POLH: variants seen among roughly 807,000 people sequenced by gnomAD.
POLH encodes the protein DNA polymerase eta transcript.
A neutral mutation model predicts 73.6 loss-of-function variants in POLH; 53 were observed. That is an observed-to-expected ratio of 0.72 (90% confidence interval 0.58 to 0.91). POLH has a LOEUF of 0.91. Ranked by LOEUF, POLH falls within the 40% of genes least tolerant of loss-of-function variation. POLH has a pLI of 0.00. For missense variants in POLH, 768 were observed against 865.4 expected (o/e 0.89, Z 1.41); for synonymous variants, 292 against 308.5 (o/e 0.95, Z 0.56).
At chr6:43,596,801 T>G (rs1490434149) in intron 4 of POLH, among the ~76,000 whole-genome samples, 1 of 152,148 alleles carries the variant, frequency 6.6e-6, no homozygotes. Flanking sequence ...GGGATTAGAG[T>G]GTACATTTGG....
intron 4 of POLH, among the ~76,000 whole-genome samples, chr6:43,593,412 C>T (rs1302319777): frequency 6.6e-6 from 1 of 152,164 alleles, no homozygotes; most frequent in Admixed American, 6.6e-5. Flanking sequence ...GGAAGACATA[C>T]TACCTGATTT....
chr6:43,577,156 C>T (rs1763449931), intron 1 of POLH, among the ~76,000 whole-genome samples: 1 of 152,154 alleles, frequency 6.6e-6, no homozygotes, highest in Admixed American at 6.5e-5. Flanking sequence ...CCAGCCTGGG[C>T]GACAGAGCGA....
chr6:43,582,600 A>G, intron 2 of POLH, 144 bp downstream of exon 2: 1 of 849,604 alleles, frequency 1.2e-6, no homozygotes, highest in Non-Finnish European at 2.0e-6. Context: ...CCATCAGCTC[A>G]CAGCAGCTTT....
At chr6:43,578,492 C>A in intron 1 of POLH, 1 of 397,320 alleles carries the variant, frequency 2.5e-6, no homozygotes, top group South Asian at 1.9e-5. Context: ...TTTAAAGCAG[C>A]CTGGCGGGGG....
chr6:43,584,098 A>G (rs971644918), intron 3 of POLH, among the ~76,000 whole-genome samples: 4 of 152,210 alleles, frequency 2.6e-5, no homozygotes, highest in African/African-American at 9.6e-5. Flanking sequence ...GGCCCAGATC[A>G]CACCACTGCA....
rs777311808 is a variant in POLH at position 43,583,086 on chromosome 6, C to A, written c.217C>A (p.Pro73Thr). 6.2e-7 allele frequency: 1 copy of A among 1,613,310 alleles called. No homozygotes were observed. Among genetic ancestry groups the A allele is most frequent in the South Asian group, 1.1e-5 (1 of 91,062 alleles). ...MWADDAKKLCPDLLLAQVRES... is the reference protein window; with the variant it reads ...MWADDAKKLCTDLLLAQVRES... ...GGCAGATGATGCTAAGAAGTTATGT[C>A]CAGATCTTCTACTGGCACAAGTTCG... is the stretch of plus-strand genomic sequence containing the variant. The change falls in exon 3 of 11, where the codon CCA (proline) becomes ACA (threonine). Residue 73 changes from proline to threonine, a missense_variant. Transcript: ENST00000372236.
chr6:43,582,901 G>A, intron 2 of POLH, 106 bp from the exon 3 acceptor site: 1 of 972,080 alleles, frequency 1.0e-6, no homozygotes, highest in Non-Finnish European at 1.6e-6. Flanking sequence ...GGCATCTGTG[G>A]TCAAAAAGTT....
Position 43,618,559 on chromosome 6 carries a change from TG to T in POLH, c.*4003del, listed in dbSNP as rs2127827768. 6.6e-6 allele frequency among the ~76,000 whole-genome samples: 1 copy of T among 152,292 alleles called. No individual in the cohort carries two copies. Among genetic ancestry groups the T allele is most frequent in the Admixed American group, 6.5e-5 (1 of 15,292 alleles). On this transcript the variant is annotated 3_prime_UTR_variant, in exon 11 of 11. Coordinates refer to ENST00000372236, the MANE Select transcript of POLH (RefSeq NM_006502.3). Reference sequence around the variant, plus strand: ...ACACAGGGAACCCAACTGAAGAAAATGAACTGAAGTAGGTGGCGCTGGGTGA... The same window carrying T: ...ACACAGGGAACCCAACTGAAGAAAATAACTGAAGTAGGTGGCGCTGGGTGA...
At chr6:43,600,252 T>C (rs956981545) in intron 5 of POLH, among the ~76,000 whole-genome samples, 1 of 151,830 alleles carries the variant, frequency 6.6e-6, no homozygotes, top group Non-Finnish European at 1.5e-5. Flanking sequence ...ACCCCGTATC[T>C]ACCAAAAATA....
Position 43,583,041 on chromosome 6 carries a change from G to C in POLH, c.172G>C (p.Gly58Arg). 1 of 1,613,550 alleles carries C rather than the reference G, an allele frequency of 6.2e-7. No homozygotes were observed. Among genetic ancestry groups the C allele is most frequent in the African/African-American group, 1.3e-5 (1 of 74,976 alleles). The change falls in exon 3 of 11, where the codon GGA (glycine) becomes CGA (arginine). Residue 58 changes from glycine to arginine, a missense_variant. Gly to Arg is a moderately radical substitution (Grantham distance 125, BLOSUM62 -2). Transcript: ENST00000372236. ...AGTGAGTTATGAAGCTCGTGCATTT[G>C]GAGTCACTAGAAGTATGTGGGCAGA... is the stretch of plus-strand genomic sequence containing the variant. ...IAVSYEARAF[G>R]VTRSMWADDA... is the part of the protein sequence containing the mutation.
At chr6:43,581,626 A>G (rs1185867063) in intron 1 of POLH, among the ~76,000 whole-genome samples, 1 of 143,366 alleles carries the variant, frequency 7.0e-6, no homozygotes, top group African/African-American at 2.9e-5. Flanking sequence ...GCGCGGCGGC[A>G]AAGACTGAGA....
chr6:43,604,140 GTTC>G (rs1328115593), intron 7 of POLH, 129 bp downstream of exon 7: 1 of 819,650 alleles, frequency 1.2e-6, no homozygotes, highest in East Asian at 2.7e-5. Context: ...TATTTCACTG[GTTC>G]TTCTTGCTTC....
intron 10 of POLH, among the ~76,000 whole-genome samples, chr6:43,611,451 T>G (rs1033302932): frequency 6.6e-6 from 1 of 152,230 alleles, no homozygotes; most frequent in Non-Finnish European, 1.5e-5. Context: ...ATTAGTAAAC[T>G]TCACTTCTGT....
At position 43,618,963 on chromosome 6, in the gene POLH, G is replaced by A. The variant is rs1412786992; in HGVS notation, c.*4406G>A. Among the ~76,000 whole-genome samples the A allele has an allele frequency of 6.8e-6, 1 of 146,434 alleles. No individual in the cohort carries two copies. The highest frequency in any genetic ancestry group is 2.6e-5 in the African/African-American group (1 of 38,830). ...TACTTTTTATTTTATTTATAAATTG[G>A]GGGGGGGGTTCTATATTTAGTTTGA... On this transcript the variant is annotated 3_prime_UTR_variant, in exon 11 of 11. Coordinates refer to ENST00000372236, the MANE Select transcript of POLH (RefSeq NM_006502.3).
chr6:43,589,846 C>T (rs755201404), intron 4 of POLH, among the ~76,000 whole-genome samples: 1 of 151,332 alleles, frequency 6.6e-6, no homozygotes, highest in Non-Finnish European at 1.5e-5. Context: ...TTTGTAGAGA[C>T]AGGGTCTCAC....
intron 9 of POLH, among the ~76,000 whole-genome samples, chr6:43,605,805 G>A (rs773881239): frequency 3.3e-5 from 5 of 151,626 alleles, no homozygotes; most frequent in African/African-American, 4.8e-5. Context: ...TGCAACCTCC[G>A]CCTCTGGGTT....
chr6:43,616,956 A>C lies in POLH; in HGVS notation c.*2399A>C, dbSNP rs1200565636. 6.6e-6 allele frequency among the ~76,000 whole-genome samples: 1 copy of C among 152,138 alleles called. No individual in the cohort carries two copies. The highest frequency in any genetic ancestry group is 1.5e-5 in the Non-Finnish European group (1 of 68,018). On this transcript the variant is annotated 3_prime_UTR_variant, in exon 11 of 11. Coordinates refer to ENST00000372236, the MANE Select transcript of POLH (RefSeq NM_006502.3). Reference sequence around the variant, plus strand: ...TGTTATCCCAGCACTTTGGGAGGCCAAGGCAGGTGGACCACGTGAAGTCAG... The same window carrying C: ...TGTTATCCCAGCACTTTGGGAGGCCCAGGCAGGTGGACCACGTGAAGTCAG...
chr6:43,603,032 G>A (rs1340799148), intron 6 of POLH, among the ~76,000 whole-genome samples: 1 of 100,766 alleles, frequency 9.9e-6, no homozygotes, highest in Non-Finnish European at 1.8e-5. Flanking sequence ...ACAGAGTCTT[G>A]CTCTGTCTCC....
At chr6:43,607,829 T>A (rs910161264) in intron 9 of POLH, among the ~76,000 whole-genome samples, 3 of 152,164 alleles carry the variant, frequency 2.0e-5, no homozygotes, top group African/African-American at 7.2e-5. Context: ...CATTTGTATA[T>A]CTTTGGGGAA....
Sources: allele counts gnomAD v4.1 joint callset (sites outside exome capture counted in the v4.1 genomes callset), GRCh38; gene constraint gnomAD v4.1.1; transcripts MANE v1.5; gene names NCBI Gene and HGNC (gene_info 2026-07-23, HGNC 2026-07-21).